Variants in CACNA1D observed in about 807,000 individuals in gnomAD.
The protein encoded by CACNA1D is voltage-dependent L-type calcium channel subunit alpha-1D.
In CACNA1D, 55 loss-of-function variants were observed where a neutral mutation model predicts 257.1. The observed-to-expected ratio is 0.21, with a 90% CI of 0.17 to 0.27. CACNA1D has a LOEUF of 0.27. CACNA1D is among the 10% of genes least tolerant of loss of function. The probability of loss-of-function intolerance (pLI) is 1.00; values close to 1 mark genes in which losing one functional copy is unlikely to be tolerated. For missense variants in CACNA1D, 1,876 were observed against 2,784.0 expected (o/e 0.67, Z 7.34); for synonymous variants, 980 against 1,014.9 (o/e 0.97, Z 0.65).
At position 53,793,969 on chromosome 3, in the gene CACNA1D, G is replaced by T. The variant is rs2095496318; in HGVS notation, c.4924-6280G>T. The stretch of plus-strand genomic sequence containing the variant: ...CATAGGCTAAACTCTTCAGCTCCTG[G>T]ATAGAAGATGAGAGGCAGGCCAGTA... On this transcript the variant is annotated intron_variant, in intron 40 of 47. Transcript: ENST00000350061. This position sits in a 1 kb window ranked among gnomAD's most constrained non-coding sequence, Gnocchi z 4.1. Among the ~76,000 whole-genome samples, 1 of 152,184 alleles carries T rather than the reference G, an allele frequency of 6.6e-6. No individual in the cohort carries two copies. The highest frequency in any genetic ancestry group is 2.4e-5 in the African/African-American group (1 of 41,432).
chr3:53,725,855 C>T (rs1559577591), intron 14 of CACNA1D, among the ~76,000 whole-genome samples: 2 of 152,118 alleles, frequency 1.3e-5, no homozygotes, highest in Admixed American at 1.3e-4. Flanking sequence ...TGTCTGTCGT[C>T]GGAAGATAGC....
intron 3 of CACNA1D, among the ~76,000 whole-genome samples, chr3:53,608,649 CTTTCTA>C (rs1459319087): frequency 1.3e-5 from 2 of 152,086 alleles, no homozygotes; most frequent in African/African-American, 4.8e-5. Flanking sequence ...GAAGAAGTTT[CTTTCTA>C]TTTCTATTTC....
intron 39 of CACNA1D, among the ~76,000 whole-genome samples, chr3:53,783,432 C>T (rs1452647445): frequency 6.6e-6 from 1 of 152,154 alleles, no homozygotes; most frequent in African/African-American, 2.4e-5. Flanking sequence ...ATAACTGGAC[C>T]TCGCCTTTTC....
At chr3:53,688,802 A>T (rs894664476) in intron 8 of CACNA1D, among the ~76,000 whole-genome samples, 1 of 152,190 alleles carries the variant, frequency 6.6e-6, no homozygotes, top group Non-Finnish European at 1.5e-5. Context: ...TTTAAAATAA[A>T]TCTTGGTTTA....
chr3:53,730,681 T>A, intron 16 of CACNA1D, 125 bp downstream of exon 16: 1 of 769,522 alleles, frequency 1.3e-6, no homozygotes, highest in African/African-American at 1.7e-5. Flanking sequence ...GCTTTGTGGA[T>A]CATGGTTGAC....
At chr3:53,592,137 A>G (rs1037275071) in intron 3 of CACNA1D, among the ~76,000 whole-genome samples, 2 of 152,190 alleles carry the variant, frequency 1.3e-5, no homozygotes, top group African/African-American at 4.8e-5. Context: ...TGGTGGAGCT[A>G]TGTTCTAGTG....
At chr3:53,734,016 G>A (rs1256352394) in intron 19 of CACNA1D, among the ~76,000 whole-genome samples, 2 of 131,702 alleles carry the variant, frequency 1.5e-5, no homozygotes, top group Non-Finnish European at 3.1e-5. Context: ...ATATGTGTGT[G>A]TATATATATA....
chr3:53,801,321 T>A lies in CACNA1D; in HGVS notation c.5304T>A (p.His1768Gln). 6.2e-7 allele frequency: 1 copy of A among 1,614,136 alleles called. No homozygotes were observed. The highest frequency in any genetic ancestry group is 8.5e-7 in the Non-Finnish European group (1 of 1,179,998). Reference protein sequence around the residue: ...LNNANMSKAAHGKRPSIGNLE... With the variant: ...LNNANMSKAAQGKRPSIGNLE... ...ATGCCAATATGTCCAAAGCTGCCCA[T>A]GGAAAGCGGCCCAGCATTGGGAACC... The change falls in exon 42 of 48, where the codon CAT becomes CAA. Residue 1768 changes from histidine (H) to glutamine (Q), a missense_variant. Transcript: ENST00000350061.
At chr3:53,786,161 A>G (rs2095451638) in intron 39 of CACNA1D, 1 of 153,812 alleles carries the variant, frequency 6.5e-6, no homozygotes, top group Non-Finnish European at 1.4e-5. Flanking sequence ...GTTTCTGAAC[A>G]AAGCAAAAAT....
At chr3:53,579,663 G>T (rs1012541881) in intron 3 of CACNA1D, among the ~76,000 whole-genome samples, 8 of 152,210 alleles carry the variant, frequency 5.3e-5, no homozygotes, top group African/African-American at 1.9e-4. Context: ...AATCAAGGTT[G>T]CTCTGAACTG....
intron 4 of CACNA1D, among the ~76,000 whole-genome samples, chr3:53,654,397 A>G (rs534299296): frequency 2.0e-5 from 3 of 152,358 alleles, no homozygotes; most frequent in South Asian, 4.1e-4. Context: ...AATAAAGTAC[A>G]TGACAATGGT....
chr3:53,691,778 T>C (rs7632337), intron 8 of CACNA1D, among the ~76,000 whole-genome samples: 187 of 101,182 alleles, frequency 1.8e-3, no homozygotes, highest in Non-Finnish European at 2.8e-3. Context: ...ATATATATTA[T>C]ATCTATAATA....
intron 40 of CACNA1D, among the ~76,000 whole-genome samples, chr3:53,797,268 G>A (rs2095511805): frequency 6.6e-6 from 1 of 152,128 alleles, no homozygotes; most frequent in African/African-American, 2.4e-5. Context: ...AGGGTGCTGT[G>A]CTTAAGCTTC....
At chr3:53,801,968 A>G (rs1340788664) in intron 42 of CACNA1D, among the ~76,000 whole-genome samples, 179 bp from the exon 43 acceptor site, 1 of 152,234 alleles carries the variant, frequency 6.6e-6, no homozygotes, top group African/African-American at 2.4e-5. Flanking sequence ...CTTTATAACA[A>G]TAAAACCCGT....
chr3:53,729,300 T>C (rs1489750536), intron 15 of CACNA1D, among the ~76,000 whole-genome samples: 4 of 152,202 alleles, frequency 2.6e-5, no homozygotes, highest in Non-Finnish European at 5.9e-5. Context: ...AGGCGTGCTA[T>C]TCCCTCACAG....
Position 53,802,274 on chromosome 3 carries a change from C to A in CACNA1D, c.5435+101C>A, listed in dbSNP as rs1227940443. On this transcript the variant is annotated intron_variant, in intron 43 of 47. Transcript: ENST00000350061. ...AATGAGAAACACTTCTTTGAGCCAG[C>A]CTATTAAAGGTTATCATAATTCATG... is the stretch of plus-strand genomic sequence containing the variant. The A allele has an allele frequency of 2.8e-5, 28 of 984,480 alleles. No individual in the cohort carries two copies. In the Admixed American group the frequency reaches 4.6e-4, roughly 16 times the overall value. The allele number at this position is 984,480 out of a possible 1,614,324, so 61.0% of individuals were successfully genotyped here. A position where few individuals can be genotyped will look rare whatever the true frequency, so the allele number is the denominator to read the frequency against.
At chr3:53,597,339 G>A (rs1303623046) in intron 3 of CACNA1D, among the ~76,000 whole-genome samples, 3 of 152,200 alleles carry the variant, frequency 2.0e-5, no homozygotes, top group Admixed American at 2.0e-4. Flanking sequence ...AATTAGAGCA[G>A]GTTGATGGGA....
chr3:53,781,841 AT>A, intron 39 of CACNA1D, 174 bp downstream of exon 39: 1 of 648,618 alleles, frequency 1.5e-6, no homozygotes, highest in Non-Finnish European at 2.8e-6. Flanking sequence ...TGGGGGTGAT[AT>A]GAAGAACATT....
At chr3:53,653,119 C>T (rs1422847338) in intron 4 of CACNA1D, among the ~76,000 whole-genome samples, 6 of 152,174 alleles carry the variant, frequency 3.9e-5, no homozygotes, top group African/African-American at 7.2e-5. Flanking sequence ...GGTGTGGTGG[C>T]GCATGCCTGT....
Sources: gnomAD v4.1 joint callset for allele counts (sites outside exome capture counted in the v4.1 genomes callset) on GRCh38, gnomAD v4.1.1 for gene constraint, Gnocchi (gnomAD v3.1) non-coding constraint, MANE v1.5 for transcripts, NCBI Gene and HGNC (gene_info 2026-07-23, HGNC 2026-07-21) for gene names.